The following CALN1 variants were observed in gnomAD, a reference collection of about 807,000 sequenced individuals.
CALN1 encodes the protein calcium-binding protein 8.
CALN1 carries 17 observed loss-of-function variants against 30.6 expected under a neutral mutation model. That is an observed-to-expected ratio of 0.56 (90% CI 0.38 to 0.83). The LOEUF is 0.83. Ranked by LOEUF, CALN1 falls within the 40% of genes least tolerant of loss-of-function variation. CALN1 has a pLI of 0.00. For synonymous variants in CALN1, 156 were observed against 131.4 expected (o/e 1.19, Z -1.28); for missense variants, 291 against 354.9 (o/e 0.82, Z 1.45).
At chr7:71,795,173 C>T (rs1337562543) in intron 6 of CALN1, among the ~76,000 whole-genome samples, 1 of 152,134 alleles carries the variant, frequency 6.6e-6, no homozygotes, top group Non-Finnish European at 1.5e-5. Context: ...AGGCATACAC[C>T]ATCACACTCA....
chr7:72,338,469 C>CAG (rs200027177), intron 2 of CALN1, among the ~76,000 whole-genome samples: 1,773 of 41,916 alleles, frequency 0.042, 54 homozygotes, highest in East Asian at 0.14. Context: ...GCCAGCAGCA[C>CAG]AGTGTGTGTG....
intron 5 of CALN1, among the ~76,000 whole-genome samples, chr7:71,908,384 G>C (rs576744235): frequency 8.7e-4 from 132 of 152,066 alleles, no homozygotes; most frequent in Non-Finnish European, 1.4e-3. Context: ...CCTGGAGTTT[G>C]GTCAAGGAAA....
chr7:72,487,953 GGAAA>G, the CALN1 span, among the ~76,000 whole-genome samples: 1 of 55,088 alleles, frequency 1.8e-5, no homozygotes, highest in Non-Finnish European at 3.5e-5. Context: ...AAGGAAGGAA[GGAAA>G]GGAAGGAAGG....
chr7:72,131,458 A>G (rs1809141257), intron 3 of CALN1, among the ~76,000 whole-genome samples: 1 of 152,138 alleles, frequency 6.6e-6, no homozygotes, highest in African/African-American at 2.4e-5. Flanking sequence ...GCTGCTCTTC[A>G]TGCTTTTAAA....
At chr7:71,893,244 C>T (rs1247466940) in intron 5 of CALN1, among the ~76,000 whole-genome samples, 5 of 152,104 alleles carry the variant, frequency 3.3e-5, no homozygotes, top group East Asian at 1.9e-4. Flanking sequence ...ATCCTACTGG[C>T]GTTTAGTGGG....
chr7:71,933,195 T>C (rs1195600533), intron 5 of CALN1, among the ~76,000 whole-genome samples: 1 of 152,082 alleles, frequency 6.6e-6, no homozygotes, highest in Non-Finnish European at 1.5e-5. Context: ...GCCAGCCGTA[T>C]GTACAGTAAG....
intron 2 of CALN1, among the ~76,000 whole-genome samples, chr7:72,387,160 T>C (rs1805255913): frequency 7.1e-6 from 1 of 140,382 alleles, no homozygotes; most frequent in African/African-American, 2.7e-5. Context: ...CATAAGTCCA[T>C]ACTTATGAAA....
chr7:71,810,246 G>C, intron 6 of CALN1, 90 bp downstream of exon 6: 1 of 1,404,634 alleles, frequency 7.1e-7, no homozygotes, highest in South Asian at 1.4e-5. Flanking sequence ...ATCAGCCCAA[G>C]AGCCTGTGTG....
chr7:72,220,620 T>C (rs1314295661), intron 3 of CALN1, among the ~76,000 whole-genome samples: 1 of 152,340 alleles, frequency 6.6e-6, no homozygotes, highest in East Asian at 1.9e-4. Context: ...ATTGCCACAC[T>C]GACTTCCACA....
intron 2 of CALN1, among the ~76,000 whole-genome samples, chr7:72,385,941 T>C (rs956226529): frequency 1.3e-5 from 2 of 152,174 alleles, no homozygotes. Flanking sequence ...TATAGCAGTG[T>C]AAAAACAACT....
At position 72,179,161 on chromosome 7, in the gene CALN1, A is replaced by G. The variant is rs533863130; in HGVS notation, c.245-72867T>C. 5.3e-5 allele frequency among the ~76,000 whole-genome samples: 8 copies of G among 152,356 alleles called. No homozygotes were observed. The South Asian group carries it at 1.7e-3, about 32-fold the overall frequency. On this transcript the variant is annotated intron_variant, in intron 3 of 6. Transcript: ENST00000395275. ...TTAGAGATGCTTTAAATTCAGTATTATGACTTTCAAGGGCATTCAGTAACA... is the reference window on the plus strand; with the variant it reads ...TTAGAGATGCTTTAAATTCAGTATTGTGACTTTCAAGGGCATTCAGTAACA...
chr7:72,337,118 G>A (rs978307727), intron 2 of CALN1: 2 of 985,736 alleles, frequency 2.0e-6, no homozygotes, highest in Non-Finnish European at 2.4e-6. Flanking sequence ...GCGCCCCGGA[G>A]CCCAGTGGCC....
intron 6 of CALN1, among the ~76,000 whole-genome samples, chr7:71,806,491 G>C (rs1265496483): frequency 2.0e-5 from 3 of 152,126 alleles, no homozygotes; most frequent in African/African-American, 7.2e-5. Flanking sequence ...ATTTTTAGTA[G>C]AGACGGGGTT....
At chr7:71,926,352 T>C (rs1795271356) in intron 5 of CALN1, among the ~76,000 whole-genome samples, 1 of 152,186 alleles carries the variant, frequency 6.6e-6, no homozygotes, top group Non-Finnish European at 1.5e-5. Context: ...ACCTATTGCT[T>C]GCCCAGCAAC....
At chr7:72,357,149 G>A (rs1171368104) in intron 2 of CALN1, among the ~76,000 whole-genome samples, 1 of 151,950 alleles carries the variant, frequency 6.6e-6, no homozygotes, top group Non-Finnish European at 1.5e-5. Flanking sequence ...TGAATGCCAA[G>A]GAATACTTGC....
chr7:72,503,404 C>T, the CALN1 span, among the ~76,000 whole-genome samples: 2 of 151,958 alleles, frequency 1.3e-5, no homozygotes, highest in Non-Finnish European at 2.9e-5. Flanking sequence ...GTGGTGCTCT[C>T]GGGGGTATTT....
intron 2 of CALN1, among the ~76,000 whole-genome samples, chr7:72,329,024 T>A (rs1204633807): frequency 1.3e-5 from 2 of 152,244 alleles, no homozygotes; most frequent in Non-Finnish European, 2.9e-5. Context: ...AACAAACATT[T>A]TTCCGATTGT....
chr7:72,436,900 G>A (rs1349333848), intron 1 of CALN1, among the ~76,000 whole-genome samples: 5 of 151,974 alleles, frequency 3.3e-5, no homozygotes, highest in South Asian at 2.1e-4. Context: ...GCGAGGGCTC[G>A]TCTCTGCAGA....
intron 5 of CALN1, among the ~76,000 whole-genome samples, chr7:71,934,944 A>C (rs540182436): frequency 3.6e-4 from 55 of 152,184 alleles, no homozygotes; most frequent in Non-Finnish European, 3.2e-4. Flanking sequence ...CTAATACGAG[A>C]ACAGCACAGT....
Sources: allele counts gnomAD v4.1 joint callset (sites outside exome capture counted in the v4.1 genomes callset), GRCh38; gene constraint gnomAD v4.1.1; transcripts MANE v1.5; gene names NCBI Gene and HGNC (gene_info 2026-07-23, HGNC 2026-07-21).